The following RBM47 variants were observed in gnomAD, a reference collection of about 807,000 sequenced individuals.
RBM47 encodes RNA binding motif protein 47.
In RBM47, 21 loss-of-function variants were observed where a neutral mutation model predicts 47.1. The observed-to-expected ratio is 0.45, with a 90% CI of 0.32 to 0.64. RBM47 has a LOEUF of 0.64. Ranked by LOEUF, RBM47 falls within the 30% of genes least tolerant of loss-of-function variation. The pLI is 0.05. For synonymous variants in RBM47, 375 were observed against 361.7 expected (o/e 1.04, Z -0.42); for missense variants, 708 against 870.9 (o/e 0.81, Z 2.35).
intron 1 of RBM47, among the ~76,000 whole-genome samples, chr4:40,623,194 C>T (rs1480767730): frequency 6.6e-6 from 1 of 152,128 alleles, no homozygotes; most frequent in Non-Finnish European, 1.5e-5. Context: ...TACTCATTGG[C>T]AAACTGACAT....
intron 2 of RBM47, among the ~76,000 whole-genome samples, chr4:40,526,382 C>T (rs1726710362): frequency 6.6e-6 from 1 of 151,258 alleles, no homozygotes; most frequent in African/African-American, 2.5e-5. Context: ...GTTTGAGTCA[C>T]AGGACCTTAG....
intron 1 of RBM47, among the ~76,000 whole-genome samples, chr4:40,589,419 T>C (rs372153085): frequency 1.3e-5 from 2 of 152,152 alleles, no homozygotes; most frequent in Non-Finnish European, 1.5e-5. Flanking sequence ...TATTTATTTA[T>C]TTACTTATTT....
At chr4:40,558,432 A>C (rs1329194293) in intron 1 of RBM47, among the ~76,000 whole-genome samples, 1 of 151,076 alleles carries the variant, frequency 6.6e-6, no homozygotes, top group East Asian at 2.0e-4. Flanking sequence ...TAATCCCAGC[A>C]CTTCAGGAGG....
chr4:40,612,151 T>C (rs1469346391), intron 1 of RBM47, among the ~76,000 whole-genome samples: 1 of 152,222 alleles, frequency 6.6e-6, no homozygotes, highest in African/African-American at 2.4e-5. Context: ...GGAATCTGAA[T>C]GAATTAGATC....
At chr4:40,488,344 A>AG (rs1460178894) in intron 2 of RBM47, among the ~76,000 whole-genome samples, 2 of 34,004 alleles carry the variant, frequency 5.9e-5, no homozygotes, top group Non-Finnish European at 1.1e-4. Flanking sequence ...GAAAAAAAAA[A>AG]GGGTGGGGGG....
chr4:40,588,856 G>A (rs796704926), intron 1 of RBM47, among the ~76,000 whole-genome samples: 20 of 152,152 alleles, frequency 1.3e-4, no homozygotes, highest in African/African-American at 4.6e-4. Context: ...CACTGGAATC[G>A]TGGCCGACGT....
chr4:40,448,341 C>T (rs1714880261), intron 3 of RBM47, among the ~76,000 whole-genome samples: 1 of 152,016 alleles, frequency 6.6e-6, no homozygotes, highest in African/African-American at 2.4e-5. Flanking sequence ...ATTTGGAATT[C>T]TTGGGAGAGC....
At chr4:40,606,456 G>A (rs1017345727) in intron 1 of RBM47, among the ~76,000 whole-genome samples, 6 of 152,152 alleles carry the variant, frequency 3.9e-5, no homozygotes, top group Admixed American at 3.3e-4. Flanking sequence ...GCTACTGACA[G>A]CAGAGGACAC....
chr4:40,556,383 A>G (rs1439833227), intron 1 of RBM47, among the ~76,000 whole-genome samples: 1 of 151,674 alleles, frequency 6.6e-6, no homozygotes, highest in Non-Finnish European at 1.5e-5. Flanking sequence ...AATCTTCATT[A>G]CTTAATGAAG....
chr4:40,485,688 G>C, intron 2 of RBM47, among the ~76,000 whole-genome samples: 1 of 152,124 alleles, frequency 6.6e-6, no homozygotes, highest in East Asian at 1.9e-4. Flanking sequence ...GGTAGTGTCA[G>C]TCATGATTCT....
intron 1 of RBM47, among the ~76,000 whole-genome samples, chr4:40,581,924 A>G (rs928345257): frequency 2.0e-5 from 3 of 151,676 alleles, no homozygotes; most frequent in Non-Finnish European, 4.4e-5. Flanking sequence ...TCCAATGCTG[A>G]CCTCATTATC....
chr4:40,575,467 G>C (rs777183790), intron 1 of RBM47, among the ~76,000 whole-genome samples: 1 of 150,356 alleles, frequency 6.7e-6, no homozygotes, highest in Non-Finnish European at 1.5e-5. Context: ...CAGGAAAGTC[G>C]CTTGAACCTG....
chr4:40,498,054 T>TTATATATATATATATATATATATCTATA (rs1722856620), intron 2 of RBM47, among the ~76,000 whole-genome samples: 1 of 109,870 alleles, frequency 9.1e-6, no homozygotes, highest in Non-Finnish European at 2.0e-5. Context: ...AGTGCTTGTT[T>TTATATATATATATATATATATATCTATA]TATATATATA....
chr4:40,589,525 C>G (rs1188959034), intron 1 of RBM47, among the ~76,000 whole-genome samples: 1 of 152,110 alleles, frequency 6.6e-6, no homozygotes, highest in Non-Finnish European at 1.5e-5. Context: ...CAACCTCCAC[C>G]TCCTGGGTTC....
chr4:40,453,852 A>T (rs570314160), intron 3 of RBM47, among the ~76,000 whole-genome samples: 7 of 151,202 alleles, frequency 4.6e-5, no homozygotes, highest in East Asian at 3.9e-4. Flanking sequence ...TTTTTTTTTA[A>T]AAAAAGAAAG....
chr4:40,610,610 CA>C (rs34149753), intron 1 of RBM47, among the ~76,000 whole-genome samples: 6,552 of 52,756 alleles, frequency 0.12, 415 homozygotes, highest in African/African-American at 0.33. Context: ...GACTCCATCT[CA>C]AAAAAAAAAA....
chr4:40,567,107 T>C (rs1448526359), intron 1 of RBM47, among the ~76,000 whole-genome samples: 2 of 152,006 alleles, frequency 1.3e-5, no homozygotes, highest in Non-Finnish European at 2.9e-5. Context: ...TAGTGATCCA[T>C]GTTCACACAG....
intron 1 of RBM47, among the ~76,000 whole-genome samples, chr4:40,623,364 T>C (rs942760607): frequency 2.0e-5 from 3 of 152,234 alleles, no homozygotes; most frequent in African/African-American, 7.2e-5. Flanking sequence ...CTTCTAATAC[T>C]TCTTCAGCCA....
intron 2 of RBM47, among the ~76,000 whole-genome samples, chr4:40,497,616 A>C (rs1722786600): frequency 6.6e-6 from 1 of 151,814 alleles, no homozygotes; most frequent in African/African-American, 2.4e-5. Context: ...TTTTTTAAAA[A>C]ATTTTAAATA....
Sources: gnomAD v4.1 joint callset for allele counts (sites outside exome capture counted in the v4.1 genomes callset) on GRCh38, gnomAD v4.1.1 for gene constraint, MANE v1.5 for transcripts, NCBI Gene and HGNC (gene_info 2026-07-23, HGNC 2026-07-21) for gene names.